WASHC5: variants seen among roughly 807,000 people sequenced by gnomAD.
The protein encoded by WASHC5 is WASH complex subunit strumpellin.
In WASHC5, 101 loss-of-function variants were observed where a neutral mutation model predicts 150.4. The observed-to-expected ratio is 0.67, with a 90% CI of 0.57 to 0.79. The LOEUF is 0.79. Ranked by LOEUF, WASHC5 falls within the 30% of genes least tolerant of loss-of-function variation. The pLI is 0.00. For synonymous variants in WASHC5, 467 were observed against 491.2 expected, an observed-to-expected ratio of 0.95 and a Z score of 0.65; for missense variants, 1,195 against 1,396.3, an observed-to-expected ratio of 0.86 and a Z score of 2.30.
chr8:125,025,829 G>GACACACACACACACACACACAC (rs1320625975), intron 28 of WASHC5, among the ~76,000 whole-genome samples: 16 of 116,666 alleles, frequency 1.4e-4, no homozygotes, highest in African/African-American at 7.6e-4. Flanking sequence ...TACATATGCA[G>GACACACACACACACACACACAC]ACAGACACAC....
rs148019527 is a variant in WASHC5 at position 125,060,184 on chromosome 8, G to C, written c.1522-642C>G. ...AGGGTTATAGATTATGAGTAAAAAT[G>C]ATGTTTTAAATAATAGAGTTGGCCG... On this transcript the variant is annotated intron_variant, in intron 12 of 28. Transcript: ENST00000318410. 6.9e-3 allele frequency among the ~76,000 whole-genome samples: 1,044 copies of C among 152,268 alleles called. 7 individuals are homozygous for C. The highest frequency in any genetic ancestry group is 0.024 in the African/African-American group (981 of 41,556).
chr8:125,059,144 G>T (rs1816505648), intron 14 of WASHC5, 78 bp downstream of exon 14: 1 of 1,025,626 alleles, frequency 9.8e-7, no homozygotes. Context: ...ATAAAATCCT[G>T]GGCTGAATTA....
intron 9 of WASHC5, among the ~76,000 whole-genome samples, chr8:125,071,411 TA>T (rs1289660121): frequency 2.0e-5 from 3 of 152,214 alleles, no homozygotes; most frequent in African/African-American, 7.2e-5. Flanking sequence ...CCATGACTCA[TA>T]AAAAGCTAAG....
chr8:125,050,444 A>G (rs1309180609), intron 18 of WASHC5, 120 bp downstream of exon 18: 2 of 618,096 alleles, frequency 3.2e-6, no homozygotes, highest in African/African-American at 1.8e-5. Flanking sequence ...TGAAAATCAC[A>G]TATTTGATAT....
Position 125,091,725 on chromosome 8 carries a change from C to A in WASHC5, c.-235G>T, listed in dbSNP as rs1412929433. On this transcript the variant is annotated 5_prime_UTR_variant, in exon 1 of 29. Coordinates refer to ENST00000318410, the MANE Select transcript of WASHC5 (RefSeq NM_014846.4). ...GCGGCGGTCCTCTTCTATCCGCAGT[C>A]CCGGACCTGGAGCGGGTCAGACCCC... The A allele has an allele frequency of 1.3e-5, 2 of 152,386 alleles. No individual in the cohort carries two copies. The highest frequency in any genetic ancestry group is 2.9e-5 in the Non-Finnish European group (2 of 68,170). 9.4% of individuals were successfully genotyped at this position (152,386 alleles called of 1,614,324 possible).
At chr8:125,026,740 C>T (rs1815388160) in intron 28 of WASHC5, among the ~76,000 whole-genome samples, 1 of 152,060 alleles carries the variant, frequency 6.6e-6, no homozygotes, top group African/African-American at 2.4e-5. Context: ...CATATTCTTG[C>T]TCATTGTTCC....
At position 125,061,069 on chromosome 8, in the gene WASHC5, AG is replaced by A; in HGVS notation, c.1521+12del. On this transcript the variant is annotated intron_variant, in intron 12 of 28. Transcript: ENST00000318410. ...ATGATCCAAGAACCTGCATTTAAAA[AG>A]CGTTTCCTTACCTCTTCCAAAGCTT... The A allele has an allele frequency of 6.7e-7, 1 of 1,484,996 alleles. No homozygotes were observed. The highest frequency in any genetic ancestry group is 9.4e-7 in the Non-Finnish European group (1 of 1,062,840). The allele number at this position is 1,484,996 out of a possible 1,614,324, so 92.0% of individuals were successfully genotyped here. A position where few individuals can be genotyped will look rare whatever the true frequency, so the allele number is the denominator to read the frequency against.
At chr8:125,050,485 G>A (rs948732048) in intron 18 of WASHC5, 79 bp downstream of exon 18, 22 of 941,650 alleles carry the variant, frequency 2.3e-5, no homozygotes, top group African/African-American at 1.9e-4. Context: ...TCTTGTTCGC[G>A]ATAGGTTAAA....
At chr8:125,026,331 C>A (rs1325207553) in intron 28 of WASHC5, among the ~76,000 whole-genome samples, 1 of 152,172 alleles carries the variant, frequency 6.6e-6, no homozygotes, top group African/African-American at 2.4e-5. Flanking sequence ...GAAGAGCACA[C>A]TATAAATCAA....
chr8:125,072,542 T>C (rs746530705), intron 9 of WASHC5, among the ~76,000 whole-genome samples: 64 of 152,004 alleles, frequency 4.2e-4, no homozygotes, highest in Admixed American at 8.5e-4. Flanking sequence ...CCCAGCTAAT[T>C]TTTTTACTTT....
At chr8:125,049,850 A>G (rs1816187493) in intron 18 of WASHC5, among the ~76,000 whole-genome samples, 1 of 152,090 alleles carries the variant, frequency 6.6e-6, no homozygotes, top group Non-Finnish European at 1.5e-5. Context: ...CAATCAATCA[A>G]TCAGTCAATA....
chr8:125,080,660 T>C (rs1817228781), intron 5 of WASHC5, among the ~76,000 whole-genome samples: 1 of 152,210 alleles, frequency 6.6e-6, no homozygotes, highest in Non-Finnish European at 1.5e-5. Context: ...TCTCCGACAT[T>C]GACCTGGTAT....
chr8:125,054,500 C>G (rs959577981), intron 17 of WASHC5, among the ~76,000 whole-genome samples: 3 of 152,206 alleles, frequency 2.0e-5, no homozygotes, highest in African/African-American at 7.2e-5. Flanking sequence ...CAAAAGATGA[C>G]AGGAGCTTGC....
chr8:125,063,972 G>A (rs1816676088), intron 10 of WASHC5, among the ~76,000 whole-genome samples: 1 of 152,218 alleles, frequency 6.6e-6, no homozygotes, highest in East Asian at 1.9e-4. Flanking sequence ...CCAGAAATCC[G>A]CATTTTTAAT....
chr8:125,031,518 A>G lies in WASHC5; in HGVS notation c.3335+723T>C, dbSNP rs114224023. On this transcript the variant is annotated intron_variant, in intron 27 of 28. Transcript: ENST00000318410. ...GGTCCTGAACTCCTGACCTCAAGTA[A>G]TCTACCCAAAGTGTTGGGATTACAG... is the stretch of plus-strand genomic sequence containing the variant. 4.8e-3 allele frequency among the ~76,000 whole-genome samples: 726 copies of G among 152,132 alleles called. 7 individuals carry two copies. The highest frequency in any genetic ancestry group is 0.017 in the African/African-American group (707 of 41,494).
chr8:125,056,689 G>A lies in WASHC5; in HGVS notation c.2004C>T (p.Gly668=). The change falls in exon 16 of 29, where the codon GGC becomes GGT. Residue 668 remains glycine (G), a synonymous_variant. Transcript: ENST00000318410. ...KDKLRDYAQL[G]PRYEVAKLTH... ...AGGGACACAGCACCTCGTATCGTGG[G>A]CCTAGCTGAGCATAGTCCCTCAGCT... The A allele has an allele frequency of 6.2e-7, 1 of 1,614,102 alleles. No individual in the cohort carries two copies. The highest frequency in any genetic ancestry group is 8.5e-7 in the Non-Finnish European group (1 of 1,179,992).
Position 125,075,304 on chromosome 8 carries a change from A to G in WASHC5, c.865-193T>C, listed in dbSNP as rs80319192. Among the ~76,000 whole-genome samples, 3,994 of 152,258 alleles carry G rather than the reference A, an allele frequency of 0.026. 182 individuals carry two copies. The highest frequency in any genetic ancestry group is 0.092 in the African/African-American group (3,824 of 41,544). On this transcript the variant is annotated intron_variant, in intron 7 of 28. Transcript: ENST00000318410. ...TGTTCCTGATTGTTAATTCACGTTA[A>G]TAGGTATAAAGATCTCTTTACACCT...
intron 15 of WASHC5, 104 bp downstream of exon 15, chr8:125,057,452 G>A (rs1227187821): frequency 2.5e-6 from 2 of 795,612 alleles, no homozygotes; most frequent in Non-Finnish European, 4.3e-6. Context: ...ATTTTTAAAA[G>A]GGAAAGAGAC....
In WASHC5 at chr8:125,024,337, T is replaced by G; in HGVS notation, c.*280A>C. ...TCTTTAGAACATAAAACTAAATGGA[T>G]TTATACATAACAGTTACATTCAGCA... On this transcript the variant is annotated 3_prime_UTR_variant, in exon 29 of 29. Transcript: ENST00000318410. The G allele has an allele frequency of 2.1e-6, 1 of 479,862 alleles. No individual in the cohort carries two copies. Among genetic ancestry groups the G allele is most frequent in the Non-Finnish European group, 3.8e-6 (1 of 263,522 alleles). 29.7% of individuals were successfully genotyped at this position (479,862 alleles called of 1,614,324 possible). A position where few individuals can be genotyped will look rare whatever the true frequency, so the allele number is the denominator to read the frequency against.
Sources: gnomAD v4.1 joint callset for allele counts (sites outside exome capture counted in the v4.1 genomes callset) on GRCh38, gnomAD v4.1.1 for gene constraint, MANE v1.5 for transcripts, NCBI Gene and HGNC (gene_info 2026-07-23, HGNC 2026-07-21) for gene names.